PKHD1: variants seen among roughly 807,000 people sequenced by gnomAD.
PKHD1 encodes fibrocystin.
PKHD1 carries 291 observed loss-of-function variants against 412.0 expected under a neutral mutation model. The ratio of observed to expected loss-of-function variants is 0.71; its 90% CI spans 0.64 to 0.78. The LOEUF is 0.78. Among genes scored for constraint, PKHD1 ranks in the 30% least tolerant of loss-of-function variants. The pLI is 0.00. For missense variants in PKHD1, 4,825 were observed against 4,950.7 expected, an observed-to-expected ratio of 0.97 and a Z score of 0.76; for synonymous variants, 1,777 against 1,821.5, an observed-to-expected ratio of 0.98 and a Z score of 0.62.
intron 27 of PKHD1, among the ~76,000 whole-genome samples, chr6:52,038,433 A>T (rs1041870802): frequency 6.6e-6 from 1 of 151,840 alleles, no homozygotes; most frequent in Non-Finnish European, 1.5e-5. Flanking sequence ...CACAAGCAAG[A>T]CACAGGGAGG....
rs147361734 is a variant in PKHD1 at position 52,012,044 on chromosome 6, T to C, written c.5601-1585A>G. Among the ~76,000 whole-genome samples, 1,309 of 152,338 alleles carry C rather than the reference T, an allele frequency of 8.6e-3. 16 individuals are homozygous for C. The highest frequency in any genetic ancestry group is 0.038 in the South Asian group (182 of 4,826). ...CACCATGGTGTGTTTGTTCAAATGA[T>C]TTTCTGAGGAGCACTGGCATGTAAA... is the stretch of plus-strand genomic sequence containing the variant. On this transcript the variant is annotated intron_variant, in intron 34 of 66. Transcript: ENST00000371117.
At chr6:51,809,584 T>A (rs961157572) in intron 52 of PKHD1, among the ~76,000 whole-genome samples, 5 of 152,116 alleles carry the variant, frequency 3.3e-5, no homozygotes, top group Admixed American at 6.6e-5. Context: ...TAACTAGGCT[T>A]ACTTGAATTT....
intron 66 of PKHD1, among the ~76,000 whole-genome samples, chr6:51,625,794 G>A (rs1767151395): frequency 6.6e-6 from 1 of 152,184 alleles, no homozygotes; most frequent in South Asian, 2.1e-4. Flanking sequence ...GAGCTATTCA[G>A]ATGGCAGCGT....
intron 43 of PKHD1, 124 bp from the exon 44 acceptor site, chr6:51,887,369 T>C (rs764626320): frequency 4.7e-5 from 34 of 723,054 alleles, no homozygotes; most frequent in Non-Finnish European, 8.6e-5. Context: ...ACATTAAAAC[T>C]CTATTATAGA....
Position 51,698,079 on chromosome 6 carries a change from T to TAAATAATTG in PKHD1, c.10157-38111_10157-38110insCAATTATTT, listed in dbSNP as rs1380464648. 2.2e-4 allele frequency among the ~76,000 whole-genome samples: 33 copies of TAAATAATTG among 152,348 alleles called. 1 individual carries two copies. Among genetic ancestry groups the TAAATAATTG allele is most frequent in the African/African-American group, 7.5e-4 (31 of 41,594 alleles). ...GGTACAAAGTAACTGTGTTAAGAGT[T>TAAATAATTG]ATCAATGATCAATTATTTGGAAATA... On this transcript the variant is annotated intron_variant, in intron 60 of 66. Coordinates refer to ENST00000371117, the MANE Select transcript of PKHD1 (RefSeq NM_138694.4).
chr6:51,832,937 GGAATAA>G (rs760357645), intron 51 of PKHD1, among the ~76,000 whole-genome samples: 8 of 152,064 alleles, frequency 5.3e-5, no homozygotes, highest in Non-Finnish European at 1.0e-4. Context: ...GCAATGTCTT[GGAATAA>G]GCATCACTCA....
At chr6:51,951,168 C>T (rs1016743117) in intron 36 of PKHD1, among the ~76,000 whole-genome samples, 2 of 152,078 alleles carry the variant, frequency 1.3e-5, no homozygotes, top group African/African-American at 4.8e-5. Context: ...CAATTACTAC[C>T]TAACTAAACT....
At chr6:51,937,565 C>T (rs978513310) in intron 36 of PKHD1, among the ~76,000 whole-genome samples, 3 of 152,194 alleles carry the variant, frequency 2.0e-5, no homozygotes, top group Non-Finnish European at 4.4e-5. Context: ...TCCTCAGCTC[C>T]TTTCCTCAAG....
chr6:51,936,419 C>T (rs912426528), intron 36 of PKHD1, among the ~76,000 whole-genome samples: 1 of 152,126 alleles, frequency 6.6e-6, no homozygotes, highest in Non-Finnish European at 1.5e-5. Context: ...TAGTGGAGGG[C>T]AAAGACTCTT....
At chr6:51,801,324 T>G (rs749361341) in intron 52 of PKHD1, among the ~76,000 whole-genome samples, 1 of 152,310 alleles carries the variant, frequency 6.6e-6, no homozygotes, top group East Asian at 1.9e-4. Flanking sequence ...TCAAGTAGAC[T>G]AATTTACTGA....
chr6:51,754,079 G>C (rs1300732336), intron 56 of PKHD1, among the ~76,000 whole-genome samples: 1 of 152,142 alleles, frequency 6.6e-6, no homozygotes, highest in Non-Finnish European at 1.5e-5. Flanking sequence ...TCAAGTATCA[G>C]AGACAAAAAG....
rs1562223650 is a variant in PKHD1 at position 51,748,254 on chromosome 6, T to C, written c.9362A>G (p.Asn3121Ser). ...GCCATGAAGACTTGAATGCGCCACA[T>C]TGTCAGACCAAAGCAGTTCACAAGA... The part of the protein sequence containing the change: ...CSSCELLWSD[N>S]VAHSSLHGLH... The change falls in exon 58 of 67, where the codon AAT becomes AGT. Residue 3121 changes from asparagine to serine, a missense_variant. Coordinates refer to ENST00000371117, the MANE Select transcript of PKHD1 (RefSeq NM_138694.4). 2 of 1,614,072 alleles carry C rather than the reference T, an allele frequency of 1.2e-6. No individual in the cohort carries two copies. The highest frequency in any genetic ancestry group is 1.3e-5 in the African/African-American group (1 of 75,024).
intron 43 of PKHD1, among the ~76,000 whole-genome samples, chr6:51,890,632 T>C (rs1242906069): frequency 2.0e-5 from 3 of 152,116 alleles, no homozygotes; most frequent in Non-Finnish European, 4.4e-5. Flanking sequence ...GCAGGCCAGA[T>C]TTAACTAAGG....
chr6:51,705,652 A>G (rs879553683), intron 60 of PKHD1, among the ~76,000 whole-genome samples: 7 of 152,116 alleles, frequency 4.6e-5, no homozygotes, highest in Non-Finnish European at 8.8e-5. Context: ...TCCATCTAAA[A>G]GTCCACTAAG....
In PKHD1 at chr6:51,936,247, A is replaced by C. The variant is rs1787462318; in HGVS notation, c.5909-1925T>G. 2.0e-5 allele frequency among the ~76,000 whole-genome samples: 3 copies of C among 151,758 alleles called. No individual in the cohort carries two copies. The South Asian group carries it at 6.2e-4, about 32-fold the overall frequency. On this transcript the variant is annotated intron_variant, in intron 36 of 66. Coordinates refer to ENST00000371117, the MANE Select transcript of PKHD1 (RefSeq NM_138694.4). ...TTTCCTTATATACAAACACACACAC[A>C]CTCTCCCATTTTCTCAGAAAGGATG... is the stretch of plus-strand genomic sequence containing the variant.
In PKHD1 at chr6:51,761,147, G is replaced by A. The variant is rs193141662; in HGVS notation, c.8643-6209C>T. Among the ~76,000 whole-genome samples the A allele has an allele frequency of 3.9e-4, 59 of 152,038 alleles. No homozygotes were observed. In the East Asian group the frequency reaches 6.2e-3, roughly 16 times the overall value. ...TCCCATGTTCACAGCAACATTATTC[G>A]CAAGAGCCAAAATATAGAGTCAATC... On this transcript the variant is annotated intron_variant, in intron 55 of 66. Coordinates refer to ENST00000371117, the MANE Select transcript of PKHD1 (RefSeq NM_138694.4).
rs748468508 is a variant in PKHD1 at position 51,619,242 on chromosome 6, G to A, written c.12064C>T (p.Pro4022Ser). The change falls in exon 67 of 67, where the codon CCA (proline) becomes TCA (serine). Residue 4022 changes from proline (P) to serine (S), a missense_variant. By Grantham distance (74) the Pro-to-Ser change is moderately conservative (BLOSUM62 -1). Coordinates refer to ENST00000371117, the MANE Select transcript of PKHD1 (RefSeq NM_138694.4). The part of the protein sequence containing the change: ...AGQNQLLLLC[P>S]DFRQERQQLP... ...TGCTGCCTCTCTTGTCTGAAGTCTG[G>A]GCATAGCAGCAGCAGCTGATTTTGG... is the stretch of plus-strand genomic sequence containing the variant. 2 of 1,614,252 alleles carry A rather than the reference G, an allele frequency of 1.2e-6. No homozygotes were observed. Among genetic ancestry groups the A allele is most frequent in the South Asian group, 1.1e-5 (1 of 91,090 alleles).
At chr6:51,787,217 G>C (rs774137421) in intron 53 of PKHD1, among the ~76,000 whole-genome samples, 1 of 152,124 alleles carries the variant, frequency 6.6e-6, no homozygotes, top group Non-Finnish European at 1.5e-5. Flanking sequence ...AAATTAGCCA[G>C]GCATGGTGGC....
chr6:51,659,278 T>G lies in PKHD1; in HGVS notation c.10848A>C (p.Ala3616=). The change falls in exon 61 of 67, where the codon GCA becomes GCC. Residue 3616 remains alanine, a synonymous_variant. Coordinates refer to ENST00000371117, the MANE Select transcript of PKHD1 (RefSeq NM_138694.4). ...ETLKAIADSR[A]KRKRNCPTVT... ...CAGTAGGGCAATTGCGCTTTCTTTTTGCTCTACTGTCAGCAATGGCCTTTA... is the reference window on the plus strand; with the variant it reads ...CAGTAGGGCAATTGCGCTTTCTTTTGGCTCTACTGTCAGCAATGGCCTTTA... 6 of 1,613,912 alleles carry G rather than the reference T, an allele frequency of 3.7e-6. No homozygotes were observed. Among genetic ancestry groups the G allele is most frequent in the Non-Finnish European group, 5.1e-6 (6 of 1,179,904 alleles).
Sources: allele counts gnomAD v4.1 joint callset (sites outside exome capture counted in the v4.1 genomes callset), GRCh38; gene constraint gnomAD v4.1.1; transcripts MANE v1.5; gene names NCBI Gene and HGNC (gene_info 2026-07-23, HGNC 2026-07-21).